The following TENM2 variants were observed in gnomAD, a reference collection of about 807,000 sequenced individuals.
TENM2 encodes teneurin-2.
A neutral mutation model predicts 245.2 loss-of-function variants in TENM2; 52 were observed. The observed-to-expected ratio is 0.21, with a 90% CI of 0.17 to 0.27. The LOEUF (loss-of-function observed/expected upper bound fraction) is 0.27, where lower values mean the gene tolerates loss of function less well. TENM2 is among the 10% of genes least tolerant of loss of function. The probability of loss-of-function intolerance (pLI) is 1.00; values close to 1 mark genes in which losing one functional copy is unlikely to be tolerated. For synonymous variants in TENM2, 1,363 were observed against 1,438.9 expected (o/e 0.95, Z 1.19); for missense variants, 3,046 against 3,666.8 (o/e 0.83, Z 4.37).
chr5:167,159,028 C>G, the TENM2 span, among the ~76,000 whole-genome samples: 2 of 151,268 alleles, frequency 1.3e-5, no homozygotes, highest in Non-Finnish European at 2.9e-5. Context: ...TCTCAGCTCA[C>G]TGCCACCTCC....
intron 2 of TENM2, among the ~76,000 whole-genome samples, chr5:167,702,625 G>GT (rs1363158281): frequency 1.3e-5 from 2 of 149,074 alleles, no homozygotes; most frequent in Non-Finnish European, 3.0e-5. Context: ...GAACTGCTGT[G>GT]TTTTTTTGTT....
chr5:167,339,925 C>G (rs1451556529), intron 1 of TENM2, among the ~76,000 whole-genome samples: 2 of 152,112 alleles, frequency 1.3e-5, no homozygotes, highest in African/African-American at 2.4e-5. Flanking sequence ...GTCTTGGACT[C>G]GACAACATAT....
At chr5:167,807,329 C>A (rs940140954) in intron 2 of TENM2, among the ~76,000 whole-genome samples, 3 of 151,758 alleles carry the variant, frequency 2.0e-5, no homozygotes, top group African/African-American at 7.3e-5. Context: ...ATCCCTAAAG[C>A]AATTGCTCTG....
At chr5:167,183,915 A>C in the TENM2 span, among the ~76,000 whole-genome samples, 1 of 152,224 alleles carries the variant, frequency 6.6e-6, no homozygotes, top group Non-Finnish European at 1.5e-5. Flanking sequence ...AATTTTATAC[A>C]TTAACAGTAA....
chr5:168,218,660 A>G lies in TENM2; in HGVS notation c.4769A>G (p.Glu1590Gly), dbSNP rs758661736. The G allele has an allele frequency of 6.2e-7, 1 of 1,614,010 alleles. No homozygotes were observed. The highest frequency in any genetic ancestry group is 8.5e-7 in the Non-Finnish European group (1 of 1,179,902). ...CAGTATGAGGCTGCATCCCCCGGAG[A>G]GCAGGAGTTATATGTTTTCAACGCT... Residue 1590 changes from glutamate (E) to glycine (G), a missense_variant, in exon 23 of 29, where the codon GAG becomes GGG. This residue lies in a region of TENM2 where 2,704 missense variants were observed against 3,331.9 expected (regional missense o/e 0.81). Coordinates refer to ENST00000518659, the Ensembl canonical transcript of TENM2. The surrounding 1 kb of genome is among the most constrained non-coding windows in gnomAD (Gnocchi z 5.2).
intron 11 of TENM2, among the ~76,000 whole-genome samples, chr5:168,126,052 G>A (rs1306635391): frequency 2.0e-5 from 3 of 152,222 alleles, no homozygotes; most frequent in Non-Finnish European, 2.9e-5. Flanking sequence ...TGAGAGGTCT[G>A]GAATACCAGA....
chr5:167,900,530 C>A (rs1775616873), intron 3 of TENM2, among the ~76,000 whole-genome samples: 3 of 152,010 alleles, frequency 2.0e-5, no homozygotes, highest in Admixed American at 2.0e-4. Context: ...GATTTATAAG[C>A]CCAAGGTTTT....
In TENM2 at chr5:167,937,748, A is replaced by G. The variant is rs189042067; in HGVS notation, c.713-14840A>G. ...GACCGCACGTGTTTTCATTAGAAAA[A>G]TGCTGAGTCATGGGTATTTGTTTCA... On this transcript the variant is annotated intron_variant, in intron 3 of 28. Coordinates refer to ENST00000518659, the Ensembl canonical transcript of TENM2. 5.1e-4 allele frequency: 77 copies of G among 152,248 alleles called. 1 individual carries two copies. Among genetic ancestry groups the G allele is most frequent in the African/African-American group, 1.7e-3 (70 of 41,546 alleles). The allele number at this position is 152,248 out of a possible 1,614,324, so 9.4% of individuals were successfully genotyped here.
intron 2 of TENM2, among the ~76,000 whole-genome samples, chr5:167,815,784 GA>G (rs1026801691): frequency 1.3e-5 from 2 of 152,036 alleles, no homozygotes; most frequent in Admixed American, 1.3e-4. Flanking sequence ...GAATGAGAGG[GA>G]AAATAAAATA....
At chr5:167,710,701 G>T (rs1445585779) in intron 2 of TENM2, among the ~76,000 whole-genome samples, 1 of 152,134 alleles carries the variant, frequency 6.6e-6, no homozygotes, top group Non-Finnish European at 1.5e-5. Context: ...TTTTGGGCAG[G>T]TTAATAAATC....
the TENM2 span, among the ~76,000 whole-genome samples, chr5:167,030,022 G>A: frequency 1.3e-5 from 2 of 152,164 alleles, no homozygotes; most frequent in African/African-American, 4.8e-5. Context: ...AAAGCAGTCA[G>A]TGATTTCTGA....
chr5:168,039,529 G>A (rs1787998996), intron 5 of TENM2, among the ~76,000 whole-genome samples: 1 of 152,080 alleles, frequency 6.6e-6, no homozygotes, highest in Non-Finnish European at 1.5e-5. Context: ...CTTTCTTGGA[G>A]AAAGAAAAGC....
the TENM2 span, among the ~76,000 whole-genome samples, chr5:167,041,422 T>C: frequency 1.3e-5 from 2 of 152,144 alleles, no homozygotes; most frequent in Admixed American, 6.5e-5. Context: ...CCTCTGGACT[T>C]GAGCCAGGGA....
chr5:167,264,668 T>C, the TENM2 span, among the ~76,000 whole-genome samples: 1 of 152,198 alleles, frequency 6.6e-6, no homozygotes, highest in Admixed American at 6.5e-5. Context: ...TGAGTCAAGA[T>C]ATTTTTATGC....
At chr5:168,178,819 TG>T (rs1422101899) in intron 13 of TENM2, among the ~76,000 whole-genome samples, 32 of 151,996 alleles carry the variant, frequency 2.1e-4, no homozygotes, top group Admixed American at 2.0e-3. Context: ...TGGAGGAGGC[TG>T]GGCATGGTGG....
chr5:167,408,887 A>G (rs1762766202), intron 2 of TENM2, among the ~76,000 whole-genome samples: 1 of 150,522 alleles, frequency 6.6e-6, no homozygotes, highest in Admixed American at 6.7e-5. Context: ...ATTTTATTAT[A>G]TATGTCATGG....
At chr5:167,862,072 C>G (rs1289126214) in intron 2 of TENM2, among the ~76,000 whole-genome samples, 1 of 152,170 alleles carries the variant, frequency 6.6e-6, no homozygotes, top group Non-Finnish European at 1.5e-5. Context: ...ACATTGCTGA[C>G]AGTGGAGGTA....
intron 3 of TENM2, among the ~76,000 whole-genome samples, chr5:167,902,224 A>G (rs1267896301): frequency 6.6e-6 from 1 of 152,190 alleles, no homozygotes; most frequent in African/African-American, 2.4e-5. Context: ...AGCTGCAGTG[A>G]GTATGAAAGA....
At chr5:167,464,580 T>C (rs1033557798) in intron 2 of TENM2, among the ~76,000 whole-genome samples, 1 of 152,186 alleles carries the variant, frequency 6.6e-6, no homozygotes, top group African/African-American at 2.4e-5. Flanking sequence ...TGCTATTTAG[T>C]ATTACTTATA....
Sources: allele counts gnomAD v4.1 joint callset (sites outside exome capture counted in the v4.1 genomes callset), GRCh38; gene constraint gnomAD v4.1.1; regional missense constraint gnomAD v4.1.1; non-coding constraint Gnocchi (gnomAD v3.1); transcripts MANE v1.5; gene names NCBI Gene and HGNC (gene_info 2026-07-23, HGNC 2026-07-21).